ASTN1: variants seen among roughly 807,000 people sequenced by gnomAD.
ASTN1 encodes astrotactin-1.
ASTN1 carries 41 observed loss-of-function variants against 140.7 expected under a neutral mutation model. The observed-to-expected ratio is 0.29, with a 90% confidence interval of 0.23 to 0.38. The LOEUF is 0.38. Among genes scored for constraint, ASTN1 ranks in the 10% least tolerant of loss-of-function variants. The pLI is 1.00. For synonymous variants in ASTN1, 640 were observed against 652.2 expected (o/e 0.98, Z 0.29); for missense variants, 1,479 against 1,678.8 (o/e 0.88, Z 2.08).
In ASTN1 at chr1:177,024,615, G is replaced by T; in HGVS notation, c.1238C>A (p.Thr413Asn). The T allele has an allele frequency of 6.2e-7, 1 of 1,614,080 alleles. No homozygotes were observed. The highest frequency in any genetic ancestry group is 8.5e-7 in the Non-Finnish European group (1 of 1,180,022). Reference protein sequence around the residue: ...HVNCPLVVKITLHVPEHLIAD... With the variant: ...HVNCPLVVKINLHVPEHLIAD... ...AATCAGGTGCTCAGGGACATGCAGG[G>T]TGATCTTGACAACGAGAGGGCAGTT... The change falls in exon 6 of 23, where the codon ACC becomes AAC. Residue 413 changes from threonine to asparagine, a missense_variant. Transcript: ENST00000361833.
chr1:177,158,906 A>C (rs1245013423), intron 1 of ASTN1, among the ~76,000 whole-genome samples: 2 of 149,890 alleles, frequency 1.3e-5, no homozygotes, highest in South Asian at 2.1e-4. Flanking sequence ...AAAAATACAA[A>C]AAAAAAAAAA....
At chr1:176,895,670 G>T (rs1023924391) in intron 16 of ASTN1, among the ~76,000 whole-genome samples, 1 of 152,150 alleles carries the variant, frequency 6.6e-6, no homozygotes, top group Non-Finnish European at 1.5e-5. Flanking sequence ...AGAATCTTTT[G>T]GTCTACTTTT....
At chr1:177,120,566 C>T (rs969582240) in intron 1 of ASTN1, among the ~76,000 whole-genome samples, 17 of 152,148 alleles carry the variant, frequency 1.1e-4, no homozygotes, top group African/African-American at 4.1e-4. Flanking sequence ...GTTTCTTTTC[C>T]CTTCTCTTAA....
intron 8 of ASTN1, among the ~76,000 whole-genome samples, chr1:177,007,695 C>T (rs1309023858): frequency 4.6e-5 from 7 of 152,108 alleles, no homozygotes; most frequent in African/African-American, 9.7e-5. Context: ...CCGGCATGCA[C>T]GAGTCACTCA....
At chr1:176,992,226 G>A (rs1287176305) in intron 8 of ASTN1, among the ~76,000 whole-genome samples, 1 of 151,992 alleles carries the variant, frequency 6.6e-6, no homozygotes, top group African/African-American at 2.4e-5. Context: ...CAAAAAGCAG[G>A]GACCCAACAA....
chr1:176,977,674 C>T (rs1371910218), intron 8 of ASTN1, among the ~76,000 whole-genome samples: 1 of 152,172 alleles, frequency 6.6e-6, no homozygotes, highest in Non-Finnish European at 1.5e-5. Flanking sequence ...TCTCATAAGA[C>T]CCTCTGAGGC....
At chr1:177,108,885 A>C (rs1680679654) in intron 1 of ASTN1, among the ~76,000 whole-genome samples, 1 of 152,186 alleles carries the variant, frequency 6.6e-6, no homozygotes, top group South Asian at 2.1e-4. Context: ...GTGGCAATGG[A>C]AACCAAAAGA....
At chr1:176,969,851 A>G (rs1300863159) in intron 8 of ASTN1, among the ~76,000 whole-genome samples, 1 of 152,202 alleles carries the variant, frequency 6.6e-6, no homozygotes, top group African/African-American at 2.4e-5. Flanking sequence ...TCTAACAAAT[A>G]AAGACCCTGA....
At chr1:176,907,345 T>C (rs557533804) in intron 16 of ASTN1, among the ~76,000 whole-genome samples, 1 of 152,290 alleles carries the variant, frequency 6.6e-6, no homozygotes, top group South Asian at 2.1e-4. Context: ...GGGAATATAC[T>C]CCTTAGGCAT....
chr1:176,867,326 G>T (rs972368245), intron 22 of ASTN1, among the ~76,000 whole-genome samples: 1 of 152,134 alleles, frequency 6.6e-6, no homozygotes, highest in Non-Finnish European at 1.5e-5. Context: ...GAAGAGGGGA[G>T]AGGGGAGCAG....
At chr1:177,031,104 A>C in intron 3 of ASTN1, 152 bp from the exon 4 acceptor site, 1 of 856,318 alleles carries the variant, frequency 1.2e-6, no homozygotes, top group Non-Finnish European at 1.7e-6. Flanking sequence ...AAACTGAAAT[A>C]CTCCTTTTTT....
intron 11 of ASTN1, among the ~76,000 whole-genome samples, chr1:176,953,732 A>G (rs1265026245): frequency 6.6e-6 from 1 of 152,136 alleles, no homozygotes; most frequent in Non-Finnish European, 1.5e-5. Flanking sequence ...CGGCAGGGTC[A>G]CTGGGTAATT....
chr1:176,894,106 T>C (rs1669387502), intron 17 of ASTN1, among the ~76,000 whole-genome samples: 2 of 152,170 alleles, frequency 1.3e-5, no homozygotes, highest in African/African-American at 4.8e-5. Context: ...TCCTTCCCTT[T>C]GCAACCTGTG....
chr1:177,115,993 C>G (rs1681068558), intron 1 of ASTN1, among the ~76,000 whole-genome samples: 1 of 152,188 alleles, frequency 6.6e-6, no homozygotes, highest in South Asian at 2.1e-4. Context: ...CATGATGAAT[C>G]TTCATGAAAA....
chr1:177,041,242 C>G (rs778167075), intron 2 of ASTN1, among the ~76,000 whole-genome samples: 2 of 152,106 alleles, frequency 1.3e-5, no homozygotes, highest in Non-Finnish European at 2.9e-5. Flanking sequence ...GTCCTTCATC[C>G]CTCTGGATGT....
intron 1 of ASTN1, among the ~76,000 whole-genome samples, chr1:177,124,747 AGAG>A (rs1047930888): frequency 2.6e-5 from 4 of 152,338 alleles, no homozygotes; most frequent in Admixed American, 2.6e-4. Context: ...ATGTTTTGAT[AGAG>A]GAGGAGGAGT....
At chr1:176,974,384 A>G (rs1055739988) in intron 8 of ASTN1, among the ~76,000 whole-genome samples, 2 of 151,912 alleles carry the variant, frequency 1.3e-5, no homozygotes, top group African/African-American at 4.8e-5. Flanking sequence ...AATGTTGAAA[A>G]GAATTTTTTT....
chr1:176,933,672 C>A (rs1218528000), intron 16 of ASTN1, among the ~76,000 whole-genome samples: 1 of 152,178 alleles, frequency 6.6e-6, no homozygotes, highest in Non-Finnish European at 1.5e-5. Context: ...TCCCTCATAA[C>A]ACAAATCAGT....
intron 1 of ASTN1, among the ~76,000 whole-genome samples, chr1:177,158,694 A>G (rs866088019): frequency 6.6e-5 from 8 of 121,010 alleles, no homozygotes; most frequent in Middle Eastern, 4.2e-3. Context: ...GTGTGTGTGT[A>G]TGATATATAT....
Sources: allele counts gnomAD v4.1 joint callset (sites outside exome capture counted in the v4.1 genomes callset), GRCh38; gene constraint gnomAD v4.1.1; transcripts MANE v1.5; gene names NCBI Gene and HGNC (gene_info 2026-07-23, HGNC 2026-07-21).